Variants in MYOM2 observed in about 807,000 individuals in gnomAD.
MYOM2 encodes the protein myomesin 2.
MYOM2 carries 254 observed loss-of-function variants against 187.6 expected under a neutral mutation model. The observed-to-expected ratio is 1.35, with a 90% CI of 1.22 to 1.50. The LOEUF is 1.50. MYOM2 is among the 40% of genes most tolerant of loss of function. The pLI, the probability that MYOM2 is intolerant of heterozygous loss-of-function variation, is 0.00. For missense variants in MYOM2, 2,796 were observed against 1,924.0 expected (o/e 1.45, Z -8.48); for synonymous variants, 981 against 753.8 (o/e 1.30, Z -4.94).
In MYOM2 at chr8:2,059,218, A is replaced by G; in HGVS notation, c.626A>G (p.Tyr209Cys). The change falls in exon 6 of 37, where the codon TAT becomes TGT. Residue 209 changes from tyrosine to cysteine, a missense_variant. Physicochemically the swap from Tyr to Cys is radical, Grantham distance 194. Coordinates refer to ENST00000262113, the MANE Select transcript of MYOM2 (RefSeq NM_003970.4). ...EPGKYRIESN[Y>C]GVHTLEINRA... ...GGAAAGTACAGGATTGAGAGCAACT[A>G]TGGCGTACACACACTGGAGATCAAC... is the stretch of plus-strand genomic sequence containing the variant. 1.2e-6 allele frequency: 2 copies of G among 1,614,200 alleles called. No individual in the cohort carries two copies. Among genetic ancestry groups the G allele is most frequent in the South Asian group, 1.1e-5 (1 of 91,086 alleles).
At chr8:2,088,508 T>C (rs539023932) in intron 14 of MYOM2, among the ~76,000 whole-genome samples, 8 of 152,304 alleles carry the variant, frequency 5.3e-5, no homozygotes, top group African/African-American at 1.9e-4. Context: ...CACTTATAAG[T>C]GAGAACATGC....
intron 17 of MYOM2, among the ~76,000 whole-genome samples, 192 bp downstream of exon 17, chr8:2,094,283 G>C (rs1796408001): frequency 6.6e-6 from 1 of 152,186 alleles, no homozygotes; most frequent in Non-Finnish European, 1.5e-5. Context: ...GTGAGAGGGA[G>C]AAATGATAAT....
chr8:2,090,207 G>A lies in MYOM2; in HGVS notation c.1828+16G>A, dbSNP rs773645039. Reference sequence around the variant, plus strand: ...GATGTGACCGGTGAGCTGTCACACTGGGTGGCCCCAAGTCAGGATGGACTA... The same window carrying A: ...GATGTGACCGGTGAGCTGTCACACTAGGTGGCCCCAAGTCAGGATGGACTA... On this transcript the variant is annotated intron_variant, in intron 15 of 36. Coordinates refer to ENST00000262113, the MANE Select transcript of MYOM2 (RefSeq NM_003970.4). The A allele has an allele frequency of 3.7e-6, 6 of 1,607,072 alleles. No individual in the cohort carries two copies. In the South Asian group the frequency reaches 6.6e-5, roughly 18 times the overall value.
At chr8:2,072,531 C>A in intron 9 of MYOM2, 22 bp downstream of exon 9, 1 of 1,604,214 alleles carries the variant, frequency 6.2e-7, no homozygotes, top group Non-Finnish European at 8.5e-7. Flanking sequence ...ACGGCCCAGA[C>A]CCGGGCACAC....
At chr8:2,134,995 C>G (rs1038809046) in intron 32 of MYOM2, among the ~76,000 whole-genome samples, 2 of 152,120 alleles carry the variant, frequency 1.3e-5, no homozygotes, top group Admixed American at 6.5e-5. Flanking sequence ...GGCACACACT[C>G]GCTCATCCGT....
chr8:2,077,313 A>C (rs1006305469), intron 11 of MYOM2, among the ~76,000 whole-genome samples: 23 of 152,186 alleles, frequency 1.5e-4, no homozygotes, highest in Admixed American at 5.2e-4. Context: ...CACCATCAAA[A>C]AAAACAAAAC....
rs1819320546 is a variant in MYOM2 at position 2,073,770 on chromosome 8, CA to C, written c.1120+271del. ...CTTGAATCGTTCATATAGTCATTAG[CA>C]TTTGAAAAACGATTCCCAAGAGTGA... On this transcript the variant is annotated intron_variant, in intron 10 of 36. Coordinates refer to ENST00000262113, the MANE Select transcript of MYOM2 (RefSeq NM_003970.4). Among the ~76,000 whole-genome samples, 4 of 152,336 alleles carry C rather than the reference CA, an allele frequency of 2.6e-5. No homozygotes were observed. In the South Asian group the frequency reaches 8.3e-4, roughly 32 times the overall value.
chr8:2,075,178 C>G (rs1452504981), intron 10 of MYOM2, among the ~76,000 whole-genome samples: 1 of 152,192 alleles, frequency 6.6e-6, no homozygotes, highest in Non-Finnish European at 1.5e-5. Flanking sequence ...ACACGATAGC[C>G]TGAGCTTGCG....
intron 36 of MYOM2, 67 bp downstream of exon 36, chr8:2,143,523 T>TG (rs1798352505): frequency 1.9e-6 from 3 of 1,594,074 alleles, no homozygotes; most frequent in Non-Finnish European, 2.6e-6. Flanking sequence ...CCCCTTCTCT[T>TG]GGGGCGGAGC....
intron 25 of MYOM2, among the ~76,000 whole-genome samples, chr8:2,114,681 G>C (rs1186220323): frequency 6.6e-6 from 1 of 152,154 alleles, no homozygotes; most frequent in Non-Finnish European, 1.5e-5. Context: ...TGTTGGCCAA[G>C]CTGGTCTCGA....
chr8:2,118,037 G>T, intron 28 of MYOM2, 85 bp downstream of exon 28: 1 of 1,195,694 alleles, frequency 8.4e-7, no homozygotes, highest in Non-Finnish European at 1.2e-6. Flanking sequence ...GCTGTGGCCA[G>T]ATCTGTGATG....
chr8:2,076,383 A>G (rs994772422), intron 11 of MYOM2, 101 bp downstream of exon 11: 2 of 1,438,508 alleles, frequency 1.4e-6, no homozygotes, highest in Non-Finnish European at 1.9e-6. Context: ...TGACGTTCCC[A>G]TTTTTTGATT....
rs987267765 is a variant in MYOM2 at position 2,145,212 on chromosome 8, A to T, written c.*231A>T. 43 of 588,242 alleles carry T rather than the reference A, an allele frequency of 7.3e-5. No individual in the cohort carries two copies. The highest frequency in any genetic ancestry group is 1.7e-4 in the Admixed American group (5 of 29,842). 36.4% of individuals were successfully genotyped at this position (588,242 alleles called of 1,614,324 possible). A position where few individuals can be genotyped will look rare whatever the true frequency, so the allele number is the denominator to read the frequency against. The stretch of plus-strand genomic sequence containing the variant: ...ACAACGTGTATTTACACGAGGGTAG[A>T]CGGCAGATGCCTGACAGAGAGTGGG... On this transcript the variant is annotated 3_prime_UTR_variant, in exon 37 of 37. Transcript: ENST00000262113.
At chr8:2,063,353 G>C (rs1818911501) in intron 6 of MYOM2, among the ~76,000 whole-genome samples, 1 of 152,272 alleles carries the variant, frequency 6.6e-6, no homozygotes. Flanking sequence ...AATATTCCTT[G>C]GCCACGGTAG....
At chr8:2,095,340 G>A (rs903745179) in intron 17 of MYOM2, among the ~76,000 whole-genome samples, 12 of 148,352 alleles carry the variant, frequency 8.1e-5, no homozygotes, top group African/African-American at 3.0e-4. Flanking sequence ...TGCTCAGGCT[G>A]GGGTGCAGTC....
chr8:2,050,113 C>T (rs1818433725), intron 1 of MYOM2, among the ~76,000 whole-genome samples: 1 of 152,178 alleles, frequency 6.6e-6, no homozygotes, highest in South Asian at 2.1e-4. Context: ...AGACACCCGC[C>T]ACCTCCGCTT....
At chr8:2,112,125 T>A (rs1265459172) in intron 25 of MYOM2, among the ~76,000 whole-genome samples, 1 of 152,190 alleles carries the variant, frequency 6.6e-6, no homozygotes, top group Non-Finnish European at 1.5e-5. Flanking sequence ...GTACATCACC[T>A]GTTGAATATC....
chr8:2,049,827 C>G (rs1374278697), intron 1 of MYOM2, among the ~76,000 whole-genome samples: 1 of 152,140 alleles, frequency 6.6e-6, no homozygotes, highest in Non-Finnish European at 1.5e-5. Context: ...CAGCAGATTG[C>G]CATGTCTAAT....
intron 25 of MYOM2, among the ~76,000 whole-genome samples, chr8:2,114,130 G>A (rs920431906): frequency 6.6e-6 from 1 of 152,216 alleles, no homozygotes. Context: ...CGGGTGAGGT[G>A]GCCACGACAA....
Sources: gnomAD v4.1 joint callset for allele counts (sites outside exome capture counted in the v4.1 genomes callset) on GRCh38, gnomAD v4.1.1 for gene constraint, MANE v1.5 for transcripts, NCBI Gene and HGNC (gene_info 2026-07-23, HGNC 2026-07-21) for gene names.